Variants in TESK2 observed in about 807,000 individuals in gnomAD.
The protein encoded by TESK2 is testis associated actin remodelling kinase 2.
In TESK2, 39 loss-of-function variants were observed where a neutral mutation model predicts 57.1. The ratio of observed to expected loss-of-function variants is 0.68; its 90% CI spans 0.53 to 0.89. The LOEUF (loss-of-function observed/expected upper bound fraction) is 0.89, where lower values mean the gene tolerates loss of function less well. TESK2 is among the 40% of genes least tolerant of loss of function. TESK2 has a pLI of 0.00. For missense variants in TESK2, 646 were observed against 732.1 expected (o/e 0.88, Z 1.36); for synonymous variants, 249 against 267.9 (o/e 0.93, Z 0.69).
intron 3 of TESK2, among the ~76,000 whole-genome samples, chr1:45,412,177 A>C (rs1375534415): frequency 6.6e-6 from 1 of 152,266 alleles, no homozygotes; most frequent in African/African-American, 2.4e-5. Context: ...TGTGAGCCAC[A>C]AAAAGTTTTA....
intron 4 of TESK2, among the ~76,000 whole-genome samples, chr1:45,382,511 T>A (rs1036189601): frequency 6.6e-6 from 1 of 152,126 alleles, no homozygotes; most frequent in African/African-American, 2.4e-5. Flanking sequence ...AGTGTTGGGA[T>A]TACAGGCGTG....
intron 1 of TESK2, among the ~76,000 whole-genome samples, chr1:45,489,882 A>G (rs1253461355): frequency 2.0e-5 from 3 of 152,212 alleles, no homozygotes; most frequent in Non-Finnish European, 4.4e-5. Context: ...TATGCTCCCT[A>G]TTTCAGATGA....
intron 4 of TESK2, among the ~76,000 whole-genome samples, chr1:45,379,733 T>C (rs1648572593): frequency 1.3e-5 from 2 of 152,206 alleles, no homozygotes; most frequent in Non-Finnish European, 1.5e-5. Context: ...AGCCTTTAGC[T>C]AAAAGCATTT....
intron 1 of TESK2, among the ~76,000 whole-genome samples, chr1:45,471,943 T>A (rs1204955592): frequency 6.6e-6 from 1 of 152,000 alleles, no homozygotes; most frequent in Non-Finnish European, 1.5e-5. Context: ...TGAGCAGAGA[T>A]AAGTGACATT....
At chr1:45,420,564 ATTTT>A (rs200053502) in intron 3 of TESK2, among the ~76,000 whole-genome samples, 1 of 125,710 alleles carries the variant, frequency 8.0e-6, no homozygotes, top group African/African-American at 3.0e-5. Flanking sequence ...GCCAAATAAA[ATTTT>A]TTTTTTTTTT....
intron 1 of TESK2, among the ~76,000 whole-genome samples, chr1:45,470,844 T>C (rs1038376535): frequency 3.9e-5 from 6 of 152,150 alleles, no homozygotes; most frequent in Admixed American, 3.3e-4. Context: ...TTAATATCCA[T>C]AACAGTCCTA....
In TESK2 at chr1:45,457,632, T is replaced by G; in HGVS notation, c.154A>C (p.Arg52=). The G allele has an allele frequency of 6.2e-7, 1 of 1,614,114 alleles. No homozygotes were observed. The highest frequency in any genetic ancestry group is 8.5e-7 in the Non-Finnish European group (1 of 1,180,020). The change falls in exon 2 of 11, where the codon AGA becomes CGA. Residue 52 remains arginine, a synonymous_variant. Coordinates refer to ENST00000372086, the MANE Select transcript of TESK2 (RefSeq NM_007170.3). Reference sequence around the variant, plus strand: ...GTGAAATCATCCAAACGCGTCAGTCTGGAAAAGGCACTTATAAGAGCTCGA... The same window carrying G: ...GTGAAATCATCCAAACGCGTCAGTCGGGAAAAGGCACTTATAAGAGCTCGA... ...SYRALISAFS[R]LTRLDDFTCE... is the part of the protein sequence containing the mutation.
intron 2 of TESK2, among the ~76,000 whole-genome samples, chr1:45,432,123 T>C (rs902288148): frequency 6.6e-6 from 1 of 151,690 alleles, no homozygotes; most frequent in African/African-American, 2.4e-5. Context: ...GTGGTGCATG[T>C]CTGTGGTCCC....
chr1:45,440,801 G>A (rs1362177117), intron 2 of TESK2, among the ~76,000 whole-genome samples: 3 of 152,038 alleles, frequency 2.0e-5, no homozygotes, highest in Non-Finnish European at 2.9e-5. Context: ...TGACACTCTC[G>A]TTTGCTGACT....
intron 3 of TESK2, among the ~76,000 whole-genome samples, chr1:45,395,586 A>G (rs1570685553): frequency 1.4e-5 from 2 of 147,122 alleles, no homozygotes; most frequent in African/African-American, 5.1e-5. Context: ...AGCCATTTAC[A>G]CTCCTTTCTT....
chr1:45,435,596 C>T (rs945852965), intron 2 of TESK2, among the ~76,000 whole-genome samples: 2 of 66,014 alleles, frequency 3.0e-5, no homozygotes, highest in Non-Finnish European at 5.7e-5. Flanking sequence ...TTTGTAGAGA[C>T]AAGGTCTCAC....
At chr1:45,393,734 G>A (rs1649241414) in intron 3 of TESK2, among the ~76,000 whole-genome samples, 4 of 127,586 alleles carry the variant, frequency 3.1e-5, no homozygotes, top group South Asian at 5.1e-4. Flanking sequence ...GTGAGACTCC[G>A]TCTCAAAAAA....
chr1:45,427,155 A>C (rs1473797793), intron 2 of TESK2, among the ~76,000 whole-genome samples: 1 of 151,408 alleles, frequency 6.6e-6, no homozygotes, highest in South Asian at 2.1e-4. Context: ...AGGCATGAGA[A>C]TCACTTGAAC....
chr1:45,409,380 T>C (rs1649958133), intron 3 of TESK2, among the ~76,000 whole-genome samples: 1 of 152,154 alleles, frequency 6.6e-6, no homozygotes, highest in South Asian at 2.1e-4. Flanking sequence ...TTAATGTGTC[T>C]GAGAAACAAG....
intron 2 of TESK2, among the ~76,000 whole-genome samples, chr1:45,435,552 C>T (rs1331011800): frequency 7.1e-6 from 1 of 140,682 alleles, no homozygotes; most frequent in Non-Finnish European, 1.5e-5. Context: ...GTGTAAGCCA[C>T]TGTGGTCTAA....
chr1:45,394,579 G>A (rs1258810777), intron 3 of TESK2, among the ~76,000 whole-genome samples: 1 of 149,020 alleles, frequency 6.7e-6, no homozygotes, highest in African/African-American at 2.5e-5. Flanking sequence ...AGGTGATGCT[G>A]ATGTCGCTTG....
chr1:45,475,465 C>T (rs1413354545), intron 1 of TESK2, among the ~76,000 whole-genome samples: 6 of 152,000 alleles, frequency 3.9e-5, no homozygotes, highest in Non-Finnish European at 8.8e-5. Flanking sequence ...CCTCAGCCTC[C>T]GAAAGTGCTG....
Position 45,346,981 on chromosome 1 carries a change from CTG to C in TESK2, c.788_789del (p.Thr263ArgfsTer8), listed in dbSNP as rs922386700. The C allele has an allele frequency of 1.9e-6, 3 of 1,614,080 alleles. No individual in the cohort carries two copies. Among genetic ancestry groups the C allele is most frequent in the African/African-American group, 2.7e-5 (2 of 74,944 alleles). On this transcript the variant is annotated frameshift_variant, in exon 8 of 11. Transcript: ENST00000372086. LOFTEE classifies it high-confidence loss of function. ...IQADPDYLPR[T>X]ENFGLDYDAF... ...TGATCCCCATGCTTGCAGCTCACCT[CTG>C]TGCGGGGAAGATAGTCCGGATCGGC...
intron 2 of TESK2, among the ~76,000 whole-genome samples, chr1:45,422,759 T>TGTTGTTGTTGTTG (rs1553152259): frequency 0.047 from 6,877 of 146,976 alleles, 602 homozygotes; most frequent in African/African-American, 0.16. Flanking sequence ...TGTCTGGTTT[T>TGTTGTTGTTGTTG]TTGTTGTTGT....
Sources: allele counts gnomAD v4.1 joint callset (sites outside exome capture counted in the v4.1 genomes callset), GRCh38; gene constraint gnomAD v4.1.1; transcripts MANE v1.5; gene names NCBI Gene and HGNC (gene_info 2026-07-23, HGNC 2026-07-21).